Variants in HARS2 observed in about 807,000 individuals in gnomAD.
HARS2 encodes histidine--tRNA ligase, mitochondrial.
A neutral mutation model predicts 62.4 loss-of-function variants in HARS2; 40 were observed. That is an observed-to-expected ratio of 0.64 (90% CI 0.50 to 0.83). The LOEUF is 0.83. Ranked by LOEUF, HARS2 falls within the 40% of genes least tolerant of loss-of-function variation. The probability of loss-of-function intolerance (pLI) is 0.00; values close to 1 mark genes in which losing one functional copy is unlikely to be tolerated. For missense variants in HARS2, 569 were observed against 626.4 expected, an observed-to-expected ratio of 0.91 and a Z score of 0.98; for synonymous variants, 228 against 227.0, an observed-to-expected ratio of 1.00 and a Z score of -0.04.
chr5:140,696,676 T>G, intron 8 of HARS2, 62 bp downstream of exon 8: 1 of 1,149,444 alleles, frequency 8.7e-7, no homozygotes, highest in Non-Finnish European at 1.3e-6. Context: ...GTGCTCAAAT[T>G]CTACCTCTGA....
chr5:140,695,996 T>C (rs983362414), intron 6 of HARS2, 107 bp from the exon 7 acceptor site: 7 of 994,746 alleles, frequency 7.0e-6, no homozygotes, highest in Admixed American at 3.4e-5. Flanking sequence ...TCTGTACTCT[T>C]CCTGTGAAAT....
At position 140,698,065 on chromosome 5, in the gene HARS2, C is replaced by T; in HGVS notation, c.1448C>T (p.Ala483Val). Reference sequence around the variant, plus strand: ...GGGGTCATCAAGATCCGTTCAGTGGCCAGCAGAGAGGAGGTGAGTGGCGGC... The same window carrying T: ...GGGGTCATCAAGATCCGTTCAGTGGTCAGCAGAGAGGAGGTGAGTGGCGGC... ...KEGVIKIRSVASREEVAIKRE... is the reference protein window; with the variant it reads ...KEGVIKIRSVVSREEVAIKRE... Residue 483 changes from alanine to valine, a missense_variant, in exon 12 of 13, where the codon GCC (alanine) becomes GTC (valine). Physicochemically the swap from Ala to Val is moderately conservative, Grantham distance 64. Coordinates refer to ENST00000230771, the MANE Select transcript of HARS2 (RefSeq NM_012208.4). 4 of 1,614,148 alleles carry T rather than the reference C, an allele frequency of 2.5e-6. No homozygotes were observed. Among genetic ancestry groups the T allele is most frequent in the Non-Finnish European group, 3.4e-6 (4 of 1,179,984 alleles).
rs62384221 is a variant in HARS2, at chr5:140,696,998, G to A, written c.882G>A (p.Lys294=). ...MFQDPRLSQN[K]QALEGLGDLK... Reference sequence around the variant, plus strand: ...AGGATCCCAGACTATCCCAGAACAAGCAGGCCCTGGAGGGCCTGGGAGACC... The same window carrying A: ...AGGATCCCAGACTATCCCAGAACAAACAGGCCCTGGAGGGCCTGGGAGACC... Residue 294 remains lysine, a synonymous_variant, in exon 9 of 13, where the codon AAG becomes AAA. Coordinates refer to ENST00000230771, the MANE Select transcript of HARS2 (RefSeq NM_012208.4). 1.9e-6 allele frequency: 3 copies of A among 1,613,332 alleles called. No homozygotes were observed. The highest frequency in any genetic ancestry group is 2.5e-6 in the Non-Finnish European group (3 of 1,179,280).
At chr5:140,697,779 CTT>C (rs1759812976) in intron 11 of HARS2, 94 bp downstream of exon 11, 1 of 1,259,438 alleles carries the variant, frequency 7.9e-7, no homozygotes, top group Non-Finnish European at 1.2e-6. Context: ...AACTCAAAAC[CTT>C]TTTAGTCTGC....
chr5:140,691,545 CG>C lies in HARS2; in HGVS notation c.-103del, dbSNP rs1759464052. ...GCAAACGCCCGAGTTTTCCCTGGTG[CG>C]CGGGTTCCGCCTTTGCAGTGCCCTC... On this transcript the variant is annotated 5_prime_UTR_variant, in exon 1 of 13. Transcript: ENST00000230771. The C allele has an allele frequency of 1.2e-6, 1 of 824,180 alleles. No homozygotes were observed. The highest frequency in any genetic ancestry group is 1.7e-5 in the African/African-American group (1 of 59,520). The allele number at this position is 824,180 out of a possible 1,614,324, so 51.1% of individuals were successfully genotyped here. A position where few individuals can be genotyped will look rare whatever the true frequency, so the allele number is the denominator to read the frequency against.
At chr5:140,697,528 AAGG>A in intron 10 of HARS2, 38 bp from the exon 11 acceptor site, 1 of 1,599,064 alleles carries the variant, frequency 6.3e-7, no homozygotes, top group Non-Finnish European at 8.6e-7. Context: ...TGCTGGTGGA[AAGG>A]AGGTTTTTAT....
At chr5:140,697,755 T>C in intron 11 of HARS2, 70 bp downstream of exon 11, 1 of 1,307,264 alleles carries the variant, frequency 7.6e-7, no homozygotes, top group Non-Finnish European at 1.1e-6. Flanking sequence ...ATATCTATCT[T>C]ATGTCTGGGG....
chr5:140,691,812 GCATA>G (rs1759501277), intron 1 of HARS2, 56 bp downstream of exon 1: 3 of 1,186,016 alleles, frequency 2.5e-6, no homozygotes, highest in Non-Finnish European at 3.7e-6. Context: ...AGATCTGAAC[GCATA>G]GCCTCGCGGC....
At chr5:140,695,927 C>T (rs1367993271) in intron 6 of HARS2, 82 bp downstream of exon 6, 2 of 1,116,182 alleles carry the variant, frequency 1.8e-6, no homozygotes, top group Non-Finnish European at 2.8e-6. Context: ...TGGGTGACTC[C>T]AACCCTTAAG....
At chr5:140,696,661 G>T (rs1286731440) in intron 8 of HARS2, 47 bp downstream of exon 8, 1 of 1,272,880 alleles carries the variant, frequency 7.9e-7, no homozygotes, top group Non-Finnish European at 1.2e-6. Flanking sequence ...GGCTGAAGGT[G>T]ACATGTGCTC....
chr5:140,697,105 T>C, intron 9 of HARS2, 35 bp downstream of exon 9: 1 of 1,614,150 alleles, frequency 6.2e-7, no homozygotes, highest in Non-Finnish European at 8.5e-7. Context: ...CCTGCTGAGC[T>C]CTAGGGCTCT....
At chr5:140,693,359 G>T in intron 1 of HARS2, 1 of 755,272 alleles carries the variant, frequency 1.3e-6, no homozygotes, top group Non-Finnish European at 2.2e-6. Context: ...TCCATATACA[G>T]TGAGGAAGCT....
chr5:140,696,065 A>G, intron 6 of HARS2, 38 bp from the exon 7 acceptor site: 1 of 1,451,712 alleles, frequency 6.9e-7, no homozygotes, highest in African/African-American at 1.4e-5. Context: ...GTGGAAGGGC[A>G]TTGACAAGCA....
rs913966032 is a variant in HARS2, at chr5:140,691,539, C to T, written c.-110C>T. On this transcript the variant is annotated 5_prime_UTR_variant, in exon 1 of 13. Transcript: ENST00000230771. ...AGGTGCGCAAACGCCCGAGTTTTCC[C>T]TGGTGCGCGGGTTCCGCCTTTGCAG... 1.7e-5 allele frequency: 14 copies of T among 815,506 alleles called. No individual in the cohort carries two copies. The highest frequency in any genetic ancestry group is 6.0e-5 in the Admixed American group (3 of 49,672). 50.5% of individuals were successfully genotyped at this position (815,506 alleles called of 1,614,324 possible).
At chr5:140,698,133 T>A in intron 12 of HARS2, 55 bp downstream of exon 12, 1 of 1,535,100 alleles carries the variant, frequency 6.5e-7, no homozygotes, top group Non-Finnish European at 9.0e-7. Context: ...TTTCCCAGAT[T>A]CTGTAAGAAA....
At chr5:140,698,108 C>A in intron 12 of HARS2, 30 bp downstream of exon 12, 2 of 1,605,330 alleles carry the variant, frequency 1.2e-6, no homozygotes, top group East Asian at 2.2e-5. Flanking sequence ...ATAGAAGGGA[C>A]GAAGTATTTC....
intron 2 of HARS2, 56 bp from the exon 3 acceptor site, chr5:140,693,879 C>A: frequency 6.2e-7 from 1 of 1,606,550 alleles, no homozygotes; most frequent in South Asian, 1.1e-5. Context: ...AACTCCTTGT[C>A]TGAAATGGAC....
chr5:140,698,243 G>A (rs1303051011), intron 12 of HARS2, among the ~76,000 whole-genome samples, 165 bp downstream of exon 12: 1 of 152,192 alleles, frequency 6.6e-6, no homozygotes, highest in Non-Finnish European at 1.5e-5. Context: ...AGTATTGACT[G>A]GGTGGCCAGA....
chr5:140,694,535 C>T (rs1417153544), intron 4 of HARS2, among the ~76,000 whole-genome samples: 3 of 152,226 alleles, frequency 2.0e-5, no homozygotes, highest in Non-Finnish European at 4.4e-5. Flanking sequence ...TTAGCTAATT[C>T]TGTAGCTGGA....
Sources: allele counts gnomAD v4.1 joint callset (sites outside exome capture counted in the v4.1 genomes callset), GRCh38; gene constraint gnomAD v4.1.1; transcripts MANE v1.5; gene names NCBI Gene and HGNC (gene_info 2026-07-23, HGNC 2026-07-21).